Variants in SLFN12L observed in about 807,000 individuals in gnomAD.
SLFN12L encodes the protein schlafen family member 12-like.
SLFN12L carries 34 observed loss-of-function variants against 34.8 expected under a neutral mutation model. The observed-to-expected ratio is 0.98, with a 90% CI of 0.74 to 1.30. The LOEUF (loss-of-function observed/expected upper bound fraction) is 1.30, where lower values mean the gene tolerates loss of function less well. Among genes scored for constraint, SLFN12L ranks in the 50% most tolerant of loss-of-function variants. The pLI is 0.00. For synonymous variants in SLFN12L, 259 were observed against 247.5 expected (o/e 1.05, Z -0.44); for missense variants, 703 against 696.2 (o/e 1.01, Z -0.11).
rs564621849 is a variant in SLFN12L at position 35,464,905 on chromosome 17, C to T, written c.*10018G>A. On this transcript the variant is annotated 3_prime_UTR_variant, in exon 5 of 5. Coordinates refer to ENST00000628453, the MANE Select transcript of SLFN12L (RefSeq NM_001363830.2). ...TGCTTTTTTTAGAGAGAGATAAAGT[C>T]TTGCTCTGTCACCCAGGCTGGAGTG... Among the ~76,000 whole-genome samples, 130 of 152,204 alleles carry T rather than the reference C, an allele frequency of 8.5e-4. 1 individual carries two copies. Among genetic ancestry groups the T allele is most frequent in the Non-Finnish European group, 1.7e-3 (119 of 68,002 alleles).
intron 2 of SLFN12L, among the ~76,000 whole-genome samples, chr17:35,489,503 G>A (rs1443805937): frequency 6.6e-6 from 1 of 151,760 alleles, no homozygotes; most frequent in South Asian, 2.1e-4. Context: ...GCAGTGAGCC[G>A]TGATCAGGCT....
intron 2 of SLFN12L, among the ~76,000 whole-genome samples, chr17:35,508,539 G>A (rs533452545): frequency 4.6e-5 from 7 of 152,150 alleles, no homozygotes; most frequent in East Asian, 1.9e-4. Flanking sequence ...TAGTAGAGAC[G>A]GGGTTTCACC....
At chr17:35,494,889 T>TTTATTTA (rs1555542073) in intron 2 of SLFN12L, among the ~76,000 whole-genome samples, 97 of 146,932 alleles carry the variant, frequency 6.6e-4, no homozygotes, top group African/African-American at 2.3e-3. Flanking sequence ...AATTTATTTA[T>TTTATTTA]TTTATTTATT....
At chr17:35,490,194 G>A in intron 2 of SLFN12L, 1 of 1,600,664 alleles carries the variant, frequency 6.2e-7, no homozygotes, top group Non-Finnish European at 8.5e-7. Flanking sequence ...GCGCTGGGAC[G>A]AGGCGGCAGT....
chr17:35,498,044 G>A (rs56262947), intron 2 of SLFN12L, among the ~76,000 whole-genome samples: 4,437 of 152,218 alleles, frequency 0.029, 114 homozygotes, highest in African/African-American at 0.058. Context: ...TTAAAATAAA[G>A]AGTCACAGAG....
Position 35,464,820 on chromosome 17 carries a change from A to G in SLFN12L, c.*10103T>C, listed in dbSNP as rs1048593757. On this transcript the variant is annotated 3_prime_UTR_variant, in exon 5 of 5. Transcript: ENST00000628453. The stretch of plus-strand genomic sequence containing the variant: ...TGTATACCAAAGAATTTATATAACA[A>G]AAAGATAGCTAAGGTCGTGATTGGG... 6.6e-6 allele frequency among the ~76,000 whole-genome samples: 1 copy of G among 152,172 alleles called. No individual in the cohort carries two copies. Among genetic ancestry groups the G allele is most frequent in the African/African-American group, 2.4e-5 (1 of 41,438 alleles).
Position 35,522,668 on chromosome 17 carries a change from C to T in SLFN12L, c.-304G>A. On this transcript the variant is annotated 5_prime_UTR_variant, in exon 2 of 5. Transcript: ENST00000628453. ...TCAGGACTCAGGCAGAGGACCTTGG[C>T]CCTGACACACACCTCCCCAGTGTAG... is the stretch of plus-strand genomic sequence containing the variant. 1.2e-6 allele frequency: 2 copies of T among 1,614,082 alleles called. No individual in the cohort carries two copies. Among genetic ancestry groups the T allele is most frequent in the South Asian group, 1.1e-5 (1 of 91,078 alleles).
intron 1 of SLFN12L, among the ~76,000 whole-genome samples, chr17:35,530,174 C>T (rs545232678): frequency 1.1e-3 from 163 of 145,194 alleles, no homozygotes; most frequent in African/African-American, 3.9e-3. Context: ...GGTGAAACCC[C>T]GTCTCTACGA....
chr17:35,522,878 T>C lies in SLFN12L; in HGVS notation c.-514A>G. The C allele has an allele frequency of 1.2e-6, 1 of 866,238 alleles. No homozygotes were observed. The highest frequency in any genetic ancestry group is 1.9e-6 in the Non-Finnish European group (1 of 539,490). 53.7% of individuals were successfully genotyped at this position (866,238 alleles called of 1,614,324 possible). On this transcript the variant is annotated 5_prime_UTR_variant, in exon 2 of 5. Coordinates refer to ENST00000628453, the MANE Select transcript of SLFN12L (RefSeq NM_001363830.2). ...CAATTCCCCAGGAGAAAGGTTGGGT[T>C]TGCTTATTTATTAACTCCTCTAATC...
At chr17:35,498,529 T>C in intron 2 of SLFN12L, 1 of 1,276,588 alleles carries the variant, frequency 7.8e-7, no homozygotes, top group South Asian at 1.2e-5. Flanking sequence ...TGCCTCCATC[T>C]CAGCCTGGTC....
intron 2 of SLFN12L, among the ~76,000 whole-genome samples, chr17:35,493,208 A>G (rs914286555): frequency 6.6e-6 from 1 of 152,242 alleles, no homozygotes; most frequent in African/African-American, 2.4e-5. Flanking sequence ...GACTTGGTAC[A>G]AAATGTCAGT....
intron 2 of SLFN12L, among the ~76,000 whole-genome samples, chr17:35,510,881 C>G (rs1915618693): frequency 6.6e-6 from 1 of 150,904 alleles, no homozygotes; most frequent in South Asian, 2.1e-4. Context: ...TTAATTACTA[C>G]TAATATCTGA....
chr17:35,528,312 G>T (rs2072358135), intron 1 of SLFN12L, among the ~76,000 whole-genome samples: 1 of 152,128 alleles, frequency 6.6e-6, no homozygotes, highest in Non-Finnish European at 1.5e-5. Context: ...TCCCCATCAA[G>T]CTACCAGTGA....
At chr17:35,490,434 C>A in intron 2 of SLFN12L, 2 of 1,178,042 alleles carry the variant, frequency 1.7e-6, no homozygotes, top group Non-Finnish European at 2.6e-6. Context: ...TGGTTTTGAA[C>A]AAGGCAGCGG....
intron 1 of SLFN12L, among the ~76,000 whole-genome samples, chr17:35,533,643 A>G (rs1178790292): frequency 6.6e-6 from 1 of 152,224 alleles, no homozygotes; most frequent in Non-Finnish European, 1.5e-5. Flanking sequence ...AGACAGAAGT[A>G]AGAAGGAGTA....
intron 2 of SLFN12L, among the ~76,000 whole-genome samples, chr17:35,519,703 T>C (rs924084946): frequency 1.3e-5 from 2 of 152,146 alleles, no homozygotes; most frequent in Non-Finnish European, 1.5e-5. Context: ...ACAGTCAAGG[T>C]TAATATCCAC....
chr17:35,485,065 A>G (rs1914524630), intron 2 of SLFN12L, among the ~76,000 whole-genome samples: 1 of 152,204 alleles, frequency 6.6e-6, no homozygotes, highest in Non-Finnish European at 1.5e-5. Context: ...TTTCTATAAA[A>G]TCAATAGTAA....
At chr17:35,487,473 C>CCA (rs1467117107) in intron 2 of SLFN12L, among the ~76,000 whole-genome samples, 2 of 151,990 alleles carry the variant, frequency 1.3e-5, no homozygotes, top group East Asian at 3.9e-4. Flanking sequence ...CACGGACCAC[C>CCA]CCCCCCGGAC....
chr17:35,534,991 T>C (rs1006902593), intron 1 of SLFN12L, among the ~76,000 whole-genome samples: 1 of 152,216 alleles, frequency 6.6e-6, no homozygotes, highest in Non-Finnish European at 1.5e-5. Context: ...CTAACATTTA[T>C]TGAGCCAGGA....
Sources: gnomAD v4.1 joint callset for allele counts (sites outside exome capture counted in the v4.1 genomes callset) on GRCh38, gnomAD v4.1.1 for gene constraint, MANE v1.5 for transcripts, NCBI Gene and HGNC (gene_info 2026-07-23, HGNC 2026-07-21) for gene names.